Variants in C6 observed in about 807,000 individuals in gnomAD.
C6 encodes complement component C6.
In C6, 101 loss-of-function variants were observed where a neutral mutation model predicts 112.9. That is an observed-to-expected ratio of 0.89 (90% CI 0.76 to 1.06). The LOEUF (loss-of-function observed/expected upper bound fraction) is 1.06. Ranked by LOEUF, C6 falls within the 50% of genes least tolerant of loss-of-function variation. C6 has a pLI of 0.00. For missense variants in C6, 1,202 were observed against 1,104.6 expected (o/e 1.09, Z -1.25); for synonymous variants, 431 against 384.1 (o/e 1.12, Z -1.43).
intron 9 of C6, among the ~76,000 whole-genome samples, chr5:41,169,283 G>A (rs1008234397): frequency 6.6e-6 from 1 of 152,016 alleles, no homozygotes; most frequent in African/African-American, 2.4e-5. Context: ...ATATGCATAT[G>A]CATATGCATG....
intron 7 of C6, among the ~76,000 whole-genome samples, chr5:41,179,691 A>T (rs1239337448): frequency 1.3e-5 from 2 of 148,260 alleles, no homozygotes; most frequent in Admixed American, 1.4e-4. Context: ...TATTATATAT[A>T]TAAATTATAT....
At chr5:41,244,792 G>T (rs1162397236) in intron 1 of C6, among the ~76,000 whole-genome samples, 1 of 151,940 alleles carries the variant, frequency 6.6e-6, no homozygotes, top group Non-Finnish European at 1.5e-5. Context: ...ATGAGTGAAT[G>T]TAGAAAGGAT....
rs779593411 is a variant in C6 at position 41,158,729 on chromosome 5, A to G, written c.1913T>C (p.Ile638Thr). ...CTGAGGACACCCGGAATCTGCTTCT[A>G]TCTCAGGAAGATCGACCTCTTTCAT... is the stretch of plus-strand genomic sequence containing the variant. Reference protein sequence around the residue: ...EEMKEVDLPEIEADSGCPQPV... With the variant: ...EEMKEVDLPETEADSGCPQPV... The change falls in exon 13 of 18, where the codon ATA becomes ACA. Residue 638 changes from isoleucine (I) to threonine (T), a missense_variant. Ile to Thr is a moderately conservative substitution (Grantham distance 89). Coordinates refer to ENST00000337836, the MANE Select transcript of C6 (RefSeq NM_000065.5). The G allele has an allele frequency of 1.2e-6, 2 of 1,611,790 alleles. No individual in the cohort carries two copies. The highest frequency in any genetic ancestry group is 1.7e-6 in the Non-Finnish European group (2 of 1,178,166).
chr5:41,166,709 G>A (rs1251290029), intron 9 of C6, among the ~76,000 whole-genome samples: 1 of 152,166 alleles, frequency 6.6e-6, no homozygotes, highest in Non-Finnish European at 1.5e-5. Context: ...GCAGGTTGCA[G>A]TGAGTACGTC....
At chr5:41,216,009 T>C (rs1226264312), upstream of C6, among the ~76,000 whole-genome samples, 1 of 152,078 alleles carries the variant, frequency 6.6e-6, no homozygotes, top group Admixed American at 6.6e-5. Context: ...TGTCAGTCAA[T>C]ATGTGAGTAG....
chr5:41,201,457 G>T, intron 3 of C6, 101 bp downstream of exon 3: 1 of 1,180,332 alleles, frequency 8.5e-7, no homozygotes, highest in Non-Finnish European at 1.2e-6. Flanking sequence ...TTGATTTTCA[G>T]AAATTGAAGT....
At chr5:41,198,353 A>G (rs1233110568) in intron 4 of C6, among the ~76,000 whole-genome samples, 2 of 152,292 alleles carry the variant, frequency 1.3e-5, no homozygotes, top group East Asian at 3.9e-4. Flanking sequence ...AGAGCAAAAC[A>G]GTATACCATC....
chr5:41,158,830 C>T, intron 12 of C6, 45 bp from the exon 13 acceptor site: 4 of 1,147,940 alleles, frequency 3.5e-6, no homozygotes, highest in Non-Finnish European at 5.3e-6. Flanking sequence ...TGTATGTACA[C>T]ACATTTACAT....
chr5:41,150,513 A>C (rs1746287387), intron 15 of C6, among the ~76,000 whole-genome samples: 1 of 152,186 alleles, frequency 6.6e-6, no homozygotes, highest in African/African-American at 2.4e-5. Context: ...AAATTGATGT[A>C]GCTAGAAAGA....
Position 41,142,954 on chromosome 5 carries a change from T to G in C6, c.2676A>C (p.Gly892=). The change falls in exon 18 of 18, where the codon GGA becomes GGC. Residue 892 remains glycine (G), a synonymous_variant. Transcript: ENST00000337836. ...CCATTTTGACACAGTAGAGTTGGTT[T>G]CCACCCTTGAAGCACTGTGGGGGCA... ...CLLPPQCFKG[G]NQLYCVKMGS... 5 of 1,613,658 alleles carry G rather than the reference T, an allele frequency of 3.1e-6. No individual in the cohort carries two copies. The highest frequency in any genetic ancestry group is 4.2e-6 in the Non-Finnish European group (5 of 1,179,796).
Position 41,181,372 on chromosome 5 carries a change from G to A in C6, c.914C>T (p.Ala305Val). The part of the protein sequence containing the change: ...HNSAFKQAIQ[A>V]SHKKDSSFIR... ...CATTTTTGATACCTTTTTGTGAGAG[G>A]CTTGAATGGCTTGTTTGAAGGCAGA... is the stretch of plus-strand genomic sequence containing the variant. Residue 305 changes from alanine to valine, a missense_variant, in exon 7 of 18, where the codon GCC (alanine) becomes GTC (valine). Physicochemically the swap from Ala to Val is moderately conservative, Grantham distance 64. Transcript: ENST00000337836. 1.2e-6 allele frequency: 2 copies of A among 1,613,548 alleles called. No individual in the cohort carries two copies.
chr5:41,161,145 T>C (rs1329398736), intron 10 of C6, among the ~76,000 whole-genome samples: 1 of 152,192 alleles, frequency 6.6e-6, no homozygotes, highest in Admixed American at 6.6e-5. Flanking sequence ...TTTAAAAATA[T>C]GGATATGTTT....
intron 1 of C6, among the ~76,000 whole-genome samples, chr5:41,244,705 AG>A (rs1740919112): frequency 7.5e-6 from 1 of 133,722 alleles, no homozygotes; most frequent in Non-Finnish European, 1.6e-5. Flanking sequence ...AGGTATTAAA[AG>A]TCAAACACAT....
Position 41,248,713 on chromosome 5 carries a change from C to T in C6, c.-21+12481G>A, listed in dbSNP as rs181515535. Among the ~76,000 whole-genome samples the T allele has an allele frequency of 2.8e-3, 426 of 152,298 alleles. 1 individual carries two copies. Among genetic ancestry groups the T allele is most frequent in the African/African-American group, 7.7e-3 (318 of 41,548 alleles). ...GCCGTGGGGAAAATGGATGCTTATA[C>T]GCTGCTGGTGGGAATGTAAGTAGTT... is the stretch of plus-strand genomic sequence containing the variant. On this transcript the variant is annotated intron_variant, in intron 1 of 17. Coordinates refer to the C6 transcript ENST00000263413.
chr5:41,192,052 C>T lies in C6; in HGVS notation c.587+3740G>A, dbSNP rs114644445. 3.5e-3 allele frequency among the ~76,000 whole-genome samples: 526 copies of T among 152,184 alleles called. 3 individuals carry two copies. The highest frequency in any genetic ancestry group is 0.012 in the African/African-American group (510 of 41,538). The stretch of plus-strand genomic sequence containing the variant: ...ATGCTAGCTGTGGGTTTGCCATATA[C>T]AGCCTTTATTGTGTTAAGTTTCTTC... On this transcript the variant is annotated intron_variant, in intron 5 of 17. Transcript: ENST00000337836.
chr5:41,154,385 C>T (rs1046200931), intron 14 of C6, among the ~76,000 whole-genome samples: 2 of 152,014 alleles, frequency 1.3e-5, no homozygotes, highest in African/African-American at 4.8e-5. Context: ...ACACTGGTCT[C>T]AACTCTGCTT....
upstream of C6, among the ~76,000 whole-genome samples, chr5:41,214,268 GTTTTTCAAACT>G (rs1311541242): frequency 6.6e-6 from 1 of 152,108 alleles, no homozygotes; most frequent in Non-Finnish European, 1.5e-5. Flanking sequence ...TAAAACAAGT[GTTTTTCAAACT>G]TTTTTCAAAG....
At chr5:41,178,123 G>T (rs1350773276) in intron 7 of C6, among the ~76,000 whole-genome samples, 1 of 151,942 alleles carries the variant, frequency 6.6e-6, no homozygotes, top group African/African-American at 2.4e-5. Flanking sequence ...CCTGAAACTG[G>T]CTATTTTAGA....
At chr5:41,247,885 C>CA (rs968745985) in intron 1 of C6, among the ~76,000 whole-genome samples, 130 of 151,224 alleles carry the variant, frequency 8.6e-4, no homozygotes, top group African/African-American at 2.7e-3. Context: ...CCAGAATAAG[C>CA]AAAAAAAACA....
Sources: allele counts gnomAD v4.1 joint callset (sites outside exome capture counted in the v4.1 genomes callset), GRCh38; gene constraint gnomAD v4.1.1; transcripts MANE v1.5; gene names NCBI Gene and HGNC (gene_info 2026-07-23, HGNC 2026-07-21).